ATRNL1: variants seen among roughly 807,000 people sequenced by gnomAD.
ATRNL1 encodes attractin like 1.
In ATRNL1, 95 loss-of-function variants were observed where a neutral mutation model predicts 182.7. The ratio of observed to expected loss-of-function variants is 0.52; its 90% CI spans 0.44 to 0.62. The LOEUF (loss-of-function observed/expected upper bound fraction) is 0.62. ATRNL1 is among the 20% of genes least tolerant of loss of function. ATRNL1 has a pLI of 0.00. For missense variants in ATRNL1, 1,471 were observed against 1,679.5 expected (o/e 0.88, Z 2.17); for synonymous variants, 576 against 568.3 (o/e 1.01, Z -0.19).
At chr10:115,244,375 T>C (rs1486181715) in intron 10 of ATRNL1, among the ~76,000 whole-genome samples, 4 of 152,144 alleles carry the variant, frequency 2.6e-5, no homozygotes, top group Non-Finnish European at 5.9e-5. Flanking sequence ...GCATGATGGA[T>C]GTAGAAGGCA....
intron 1 of ATRNL1, among the ~76,000 whole-genome samples, chr10:115,117,880 G>T (rs1385879882): frequency 6.6e-6 from 1 of 151,822 alleles, no homozygotes; most frequent in Admixed American, 6.6e-5. Context: ...CCTGTCTTTT[G>T]GATATAAGCC....
chr10:115,551,412 AAT>A (rs2133813645), intron 26 of ATRNL1, among the ~76,000 whole-genome samples: 1 of 151,560 alleles, frequency 6.6e-6, no homozygotes, highest in East Asian at 1.9e-4. Context: ...ATAAAAGACA[AAT>A]AGTAGAGGGG....
At chr10:115,617,461 G>A (rs1857500153) in intron 26 of ATRNL1, among the ~76,000 whole-genome samples, 1 of 152,050 alleles carries the variant, frequency 6.6e-6, no homozygotes, top group Non-Finnish European at 1.5e-5. Context: ...CTGGATTCAA[G>A]CAATTCTAGT....
chr10:115,521,213 G>A (rs71484988), intron 25 of ATRNL1, among the ~76,000 whole-genome samples: 62,438 of 151,384 alleles, frequency 0.41, 13,447 homozygotes, highest in Middle Eastern at 0.53. Context: ...TGGAGCAGTG[G>A]CGCTATTTCG....
intron 26 of ATRNL1, among the ~76,000 whole-genome samples, chr10:115,631,013 A>T (rs2133830118): frequency 6.6e-6 from 1 of 151,966 alleles, no homozygotes; most frequent in Non-Finnish European, 1.5e-5. Context: ...GTGGAAAGTA[A>T]AAAGGCCTAA....
intron 1 of ATRNL1, among the ~76,000 whole-genome samples, chr10:115,099,721 A>C (rs1188847255): frequency 6.6e-6 from 1 of 152,172 alleles, no homozygotes; most frequent in African/African-American, 2.4e-5. Flanking sequence ...CTTACTTGCC[A>C]TCCGTATATC....
intron 28 of ATRNL1, among the ~76,000 whole-genome samples, chr10:115,857,674 T>C (rs1482964985): frequency 2.0e-5 from 3 of 152,294 alleles, no homozygotes; most frequent in African/African-American, 7.2e-5. Context: ...TTGATTAATA[T>C]GTAAAGGAAA....
At chr10:115,738,125 GA>G (rs138873859) in intron 27 of ATRNL1, among the ~76,000 whole-genome samples, 7,590 of 53,034 alleles carry the variant, frequency 0.14, 1,151 homozygotes, top group Middle Eastern at 0.25. Flanking sequence ...AGAAGATAAT[GA>G]TTTTTTTTTT....
At chr10:115,635,302 A>G (rs781794515) in intron 26 of ATRNL1, among the ~76,000 whole-genome samples, 17 of 151,696 alleles carry the variant, frequency 1.1e-4, no homozygotes, top group Non-Finnish European at 2.5e-4. Flanking sequence ...TAGAGACAAC[A>G]GAGTGGGAAA....
At chr10:115,507,126 G>C (rs1850154428) in intron 24 of ATRNL1, among the ~76,000 whole-genome samples, 1 of 152,044 alleles carries the variant, frequency 6.6e-6, no homozygotes, top group African/African-American at 2.4e-5. Context: ...GGGGCTTCCA[G>C]GTTATAGGTA....
chr10:115,194,233 ATCTGATG>A (rs1554890510), intron 8 of ATRNL1, among the ~76,000 whole-genome samples: 1 of 151,898 alleles, frequency 6.6e-6, no homozygotes, highest in African/African-American at 2.4e-5. Context: ...TTAAGGTCTG[ATCTGATG>A]TTTCTTTGTT....
At chr10:115,873,455 C>G (rs1183990287) in intron 28 of ATRNL1, among the ~76,000 whole-genome samples, 2 of 152,134 alleles carry the variant, frequency 1.3e-5, no homozygotes, top group African/African-American at 4.8e-5. Context: ...TTTGTCTTTA[C>G]CACCCTAGTC....
chr10:115,841,241 G>A (rs1950801524), intron 27 of ATRNL1, among the ~76,000 whole-genome samples: 2 of 152,014 alleles, frequency 1.3e-5, no homozygotes, highest in South Asian at 4.2e-4. Flanking sequence ...AAACACCTAG[G>A]GAAAAATAGG....
chr10:115,522,532 A>G (rs544385340), intron 25 of ATRNL1, among the ~76,000 whole-genome samples: 17 of 152,330 alleles, frequency 1.1e-4, no homozygotes, highest in Non-Finnish European at 1.8e-4. Context: ...TCAAATTTCA[A>G]TATGTGCTTT....
At chr10:115,163,905 A>G (rs1846917588) in intron 6 of ATRNL1, among the ~76,000 whole-genome samples, 1 of 152,204 alleles carries the variant, frequency 6.6e-6, no homozygotes, top group African/African-American at 2.4e-5. Flanking sequence ...ATACACATTT[A>G]TCTTACAATT....
chr10:115,908,534 G>T lies in ATRNL1; in HGVS notation c.4019-36124G>T, dbSNP rs551338973. ...TTATGATGACATTGGTCCCACCCAG[G>T]TTGTCCAGGATAATCTCTCCATCTG... On this transcript the variant is annotated intron_variant, in intron 28 of 28. Transcript: ENST00000355044. Among the ~76,000 whole-genome samples the T allele has an allele frequency of 1.8e-4, 28 of 152,140 alleles. 1 individual carries two copies. The highest frequency in any genetic ancestry group is 3.4e-3 in the Middle Eastern group (1 of 294).
chr10:115,172,802 G>A (rs1270018095), intron 8 of ATRNL1, among the ~76,000 whole-genome samples: 7 of 148,756 alleles, frequency 4.7e-5, no homozygotes, highest in African/African-American at 1.2e-4. Context: ...ACTTCTAAAC[G>A]TACCTAGCTT....
chr10:115,864,174 G>A (rs900893535), intron 28 of ATRNL1, among the ~76,000 whole-genome samples: 5 of 151,682 alleles, frequency 3.3e-5, no homozygotes, highest in Non-Finnish European at 4.4e-5. Context: ...TGGGAGGATC[G>A]CTTGATCCCA....
At chr10:115,872,249 T>C (rs1024311549) in intron 28 of ATRNL1, among the ~76,000 whole-genome samples, 3 of 152,232 alleles carry the variant, frequency 2.0e-5, no homozygotes, top group Non-Finnish European at 4.4e-5. Flanking sequence ...ATTTCTAATG[T>C]ATGCACAATT....
Sources: gnomAD v4.1 joint callset for allele counts (sites outside exome capture counted in the v4.1 genomes callset) on GRCh38, gnomAD v4.1.1 for gene constraint, MANE v1.5 for transcripts, NCBI Gene and HGNC (gene_info 2026-07-23, HGNC 2026-07-21) for gene names.